The following NT5C3A variants were observed in gnomAD, a reference collection of about 807,000 sequenced individuals.
NT5C3A encodes cytosolic 5'-nucleotidase 3A.
A neutral mutation model predicts 40.0 loss-of-function variants in NT5C3A; 23 were observed. That is an observed-to-expected ratio of 0.58 (90% confidence interval 0.41 to 0.81). The LOEUF (loss-of-function observed/expected upper bound fraction) is 0.81. Ranked by LOEUF, NT5C3A falls within the 40% of genes least tolerant of loss-of-function variation. NT5C3A has a pLI of 0.00. For synonymous variants in NT5C3A, 130 were observed against 141.4 expected (o/e 0.92, Z 0.57); for missense variants, 328 against 403.0 (o/e 0.81, Z 1.59).
At chr7:33,062,319 A>AAAG (rs755283928) in intron 1 of NT5C3A, among the ~76,000 whole-genome samples, 91 of 152,196 alleles carry the variant, frequency 6.0e-4, no homozygotes, top group Non-Finnish European at 1.2e-3. Flanking sequence ...GAAACCTAAC[A>AAAG]AAGACCACGG....
chr7:33,060,850 A>C (rs1787747735), intron 1 of NT5C3A, among the ~76,000 whole-genome samples: 2 of 152,184 alleles, frequency 1.3e-5, no homozygotes, highest in South Asian at 4.1e-4. Flanking sequence ...CAACCTATTA[A>C]AATTAAAAAA....
chr7:33,033,394 A>G lies in NT5C3A; in HGVS notation c.139-6479T>C, dbSNP rs537275358. Among the ~76,000 whole-genome samples the G allele has an allele frequency of 4.6e-5, 7 of 152,362 alleles. No homozygotes were observed. In the East Asian group the frequency reaches 9.6e-4, roughly 21 times the overall value. ...AATAGCGATTTCCCTTGCTTATTAC[A>G]TATTTGGTCTGTTTCTACATTAAGA... is the stretch of plus-strand genomic sequence containing the variant. On this transcript the variant is annotated intron_variant, in intron 1 of 8. Coordinates refer to ENST00000610140, the MANE Select transcript of NT5C3A (RefSeq NM_001002010.5).
intron 5 of NT5C3A, among the ~76,000 whole-genome samples, chr7:33,020,812 C>T (rs1785584972): frequency 7.0e-6 from 1 of 142,872 alleles, no homozygotes; most frequent in South Asian, 2.2e-4. Context: ...CATGGTTTCT[C>T]TTAACAGCAT....
chr7:33,045,739 G>A (rs977600884), intron 1 of NT5C3A: 1 of 151,680 alleles, frequency 6.6e-6, no homozygotes, highest in African/African-American at 2.4e-5. Flanking sequence ...TTACAGGCGT[G>A]AGCCACCGCA....
intron 2 of NT5C3A, among the ~76,000 whole-genome samples, chr7:33,026,257 G>A (rs931778395): frequency 4.8e-5 from 7 of 146,508 alleles, no homozygotes; most frequent in Non-Finnish European, 1.0e-4. Context: ...GCGGAGGTAC[G>A]AAAATCGCCT....
At chr7:33,025,831 C>T (rs1785897095) in intron 2 of NT5C3A, among the ~76,000 whole-genome samples, 1 of 152,092 alleles carries the variant, frequency 6.6e-6, no homozygotes, top group African/African-American at 2.4e-5. Context: ...AACTGTCTAC[C>T]TAAACTTGCT....
chr7:33,034,489 A>T (rs1018433374), intron 1 of NT5C3A, among the ~76,000 whole-genome samples: 1 of 152,256 alleles, frequency 6.6e-6, no homozygotes, highest in Non-Finnish European at 1.5e-5. Context: ...GACTGGTTTA[A>T]TTCTATGTAT....
intron 1 of NT5C3A, among the ~76,000 whole-genome samples, chr7:33,051,450 C>T (rs1401752150): frequency 1.3e-5 from 2 of 152,180 alleles, no homozygotes; most frequent in African/African-American, 4.8e-5. Flanking sequence ...GCGTTAGCTA[C>T]CACGCCTGGC....
intron 1 of NT5C3A, among the ~76,000 whole-genome samples, chr7:33,038,498 C>CTT (rs76288295): frequency 2.9e-5 from 4 of 139,474 alleles, no homozygotes; most frequent in Non-Finnish European, 3.1e-5. Context: ...ACTTTAGGAC[C>CTT]TTTTTTTTTT....
At chr7:33,061,241 G>A (rs1232052657) in intron 1 of NT5C3A, among the ~76,000 whole-genome samples, 1 of 152,198 alleles carries the variant, frequency 6.6e-6, no homozygotes, top group Non-Finnish European at 1.5e-5. Context: ...AAAGCAAAAT[G>A]AAACTTCTGA....
At chr7:33,040,959 C>A (rs766180994) in intron 1 of NT5C3A, 4 of 985,228 alleles carry the variant, frequency 4.1e-6, no homozygotes, top group Non-Finnish European at 4.8e-6. Flanking sequence ...CAACTGAGGG[C>A]GGTTCCAAAA....
chr7:33,032,102 G>C (rs1455549583), intron 1 of NT5C3A, among the ~76,000 whole-genome samples: 3 of 151,470 alleles, frequency 2.0e-5, no homozygotes, highest in Admixed American at 2.0e-4. Context: ...TCTAGCCCAA[G>C]TGACAGAGCG....
At chr7:33,058,689 G>A (rs1787664612) in intron 1 of NT5C3A, among the ~76,000 whole-genome samples, 1 of 152,142 alleles carries the variant, frequency 6.6e-6, no homozygotes, top group African/African-American at 2.4e-5. Context: ...GAGATGTTCC[G>A]TATTCCCCTC....
At position 33,029,759 on chromosome 7, in the gene NT5C3A, G is replaced by C. The variant is rs1288786979; in HGVS notation, c.139-2844C>G. Reference sequence around the variant, plus strand: ...TTTATTTTATTTTTATAGAGATAAGGTCTTGCTGTGTTTCCCAGGCTGGTC... The same window carrying C: ...TTTATTTTATTTTTATAGAGATAAGCTCTTGCTGTGTTTCCCAGGCTGGTC... On this transcript the variant is annotated intron_variant, in intron 1 of 8. Coordinates refer to ENST00000610140, the MANE Select transcript of NT5C3A (RefSeq NM_001002010.5). 7.6e-6 allele frequency: 9 copies of C among 1,177,984 alleles called. No homozygotes were observed. In the Admixed American group the frequency reaches 2.1e-4, roughly 27 times the overall value. The allele number at this position is 1,177,984 out of a possible 1,614,324, so 73.0% of individuals were successfully genotyped here.
chr7:33,049,327 T>C lies in NT5C3A; in HGVS notation c.138+13241A>G, dbSNP rs566590354. 2.0e-5 allele frequency among the ~76,000 whole-genome samples: 3 copies of C among 152,230 alleles called. No homozygotes were observed. The East Asian group carries it at 5.8e-4, about 29-fold the overall frequency. On this transcript the variant is annotated intron_variant, in intron 1 of 8. Coordinates refer to ENST00000610140, the MANE Select transcript of NT5C3A (RefSeq NM_001002010.5). Reference sequence around the variant, plus strand: ...TTCTAGATAACTGGAAATTGAAGCTTAGAAAAGTTTAGTATCTTGTCCAAG... The same window carrying C: ...TTCTAGATAACTGGAAATTGAAGCTCAGAAAAGTTTAGTATCTTGTCCAAG...
intron 1 of NT5C3A, among the ~76,000 whole-genome samples, chr7:33,060,307 T>C (rs1467210303): frequency 6.6e-6 from 1 of 151,822 alleles, no homozygotes; most frequent in Non-Finnish European, 1.5e-5. Context: ...CTCTTTATAA[T>C]GGCTTTACAA....
In NT5C3A at chr7:33,022,135, T is replaced by C. The variant is rs765212685; in HGVS notation, c.308-36A>G. On this transcript the variant is annotated intron_variant, in intron 3 of 8. Transcript: ENST00000610140. ...AAAGCAAAATAAGCATTAAAAGAAATACTCTGATTTATGCTACCACTACTA... is the reference window on the plus strand; with the variant it reads ...AAAGCAAAATAAGCATTAAAAGAAACACTCTGATTTATGCTACCACTACTA... The C allele has an allele frequency of 4.6e-6, 5 of 1,094,234 alleles. No homozygotes were observed. In the South Asian group the frequency reaches 5.0e-5, roughly 11 times the overall value. 67.8% of individuals were successfully genotyped at this position (1,094,234 alleles called of 1,614,324 possible). A position where few individuals can be genotyped will look rare whatever the true frequency, so the allele number is the denominator to read the frequency against.
intron 1 of NT5C3A, among the ~76,000 whole-genome samples, chr7:33,035,244 A>G (rs1786529589): frequency 8.1e-6 from 1 of 122,856 alleles, no homozygotes; most frequent in Admixed American, 1.1e-4. Flanking sequence ...CCCAGGCTGG[A>G]GTGCAGTGGC....
At chr7:33,031,561 T>C (rs530386544) in intron 1 of NT5C3A, among the ~76,000 whole-genome samples, 1 of 151,980 alleles carries the variant, frequency 6.6e-6, no homozygotes, top group South Asian at 2.1e-4. Context: ...CACTCCAGCC[T>C]GGGTGACACA....
Sources: gnomAD v4.1 joint callset for allele counts (sites outside exome capture counted in the v4.1 genomes callset) on GRCh38, gnomAD v4.1.1 for gene constraint, MANE v1.5 for transcripts, NCBI Gene and HGNC (gene_info 2026-07-23, HGNC 2026-07-21) for gene names.